The following SMG6 variants were observed in gnomAD, a reference collection of about 807,000 sequenced individuals.
The protein encoded by SMG6 is SMG6 nonsense mediated mRNA decay factor, also known as telomerase-binding protein EST1A.
SMG6 carries 66 observed loss-of-function variants against 142.2 expected under a neutral mutation model. The ratio of observed to expected loss-of-function variants is 0.46; its 90% confidence interval spans 0.38 to 0.57. The LOEUF (loss-of-function observed/expected upper bound fraction) is 0.57, where lower values mean the gene tolerates loss of function less well. Among genes scored for constraint, SMG6 ranks in the 20% least tolerant of loss-of-function variants. SMG6 has a pLI of 0.00. For synonymous variants in SMG6, 779 were observed against 702.4 expected, an observed-to-expected ratio of 1.11 and a Z score of -1.72; for missense variants, 1,793 against 1,832.0, an observed-to-expected ratio of 0.98 and a Z score of 0.39.
chr17:2,230,305 C>CAAAAAA (rs869124628), intron 10 of SMG6, among the ~76,000 whole-genome samples: 1 of 16,252 alleles, frequency 6.2e-5, no homozygotes, highest in Non-Finnish European at 1.0e-4. Context: ...CATGTCGGGG[C>CAAAAAA]AAAAAAAAAA....
intron 13 of SMG6, among the ~76,000 whole-genome samples, chr17:2,139,603 TAG>T (rs2070411498): frequency 6.6e-6 from 1 of 151,472 alleles, no homozygotes; most frequent in Non-Finnish European, 1.5e-5. Flanking sequence ...GTATTTTTAG[TAG>T]AGACGGGGTT....
At chr17:2,134,419 C>CAAAA (rs58429166) in intron 13 of SMG6, among the ~76,000 whole-genome samples, 321 of 28,722 alleles carry the variant, frequency 0.011, 86 homozygotes, top group African/African-American at 0.039. Context: ...GACTCCATCT[C>CAAAA]AAAAAAAAAA....
intron 15 of SMG6, among the ~76,000 whole-genome samples, chr17:2,076,427 C>T (rs913312666): frequency 2.0e-5 from 3 of 152,186 alleles, no homozygotes; most frequent in South Asian, 2.1e-4. Flanking sequence ...CTTGGATTTT[C>T]CCCCCTTAAA....
At chr17:2,196,582 G>T (rs1396635497) in intron 10 of SMG6, among the ~76,000 whole-genome samples, 1 of 152,182 alleles carries the variant, frequency 6.6e-6, no homozygotes, top group Non-Finnish European at 1.5e-5. Flanking sequence ...AGATCTATAG[G>T]TTTAACGCAA....
chr17:2,065,321 T>A (rs1454438637), intron 17 of SMG6, 147 bp downstream of exon 17: 13 of 953,376 alleles, frequency 1.4e-5, no homozygotes, highest in Non-Finnish European at 2.1e-5. Flanking sequence ...ACGAGTGACT[T>A]AGGGGAGAAG....
intron 10 of SMG6, among the ~76,000 whole-genome samples, chr17:2,229,077 G>A (rs1377083423): frequency 6.6e-6 from 1 of 151,928 alleles, no homozygotes; most frequent in Non-Finnish European, 1.5e-5. Flanking sequence ...AAAAAAATCC[G>A]CCCACCCCCT....
intron 9 of SMG6, 107 bp from the exon 10 acceptor site, chr17:2,236,744 CACACACA>C: frequency 1.0e-6 from 1 of 998,454 alleles, no homozygotes; most frequent in Non-Finnish European, 1.4e-6. Flanking sequence ...CACACACACA[CACACACA>C]CCAGACAACT....
At chr17:2,192,394 G>C (rs985979187) in intron 10 of SMG6, among the ~76,000 whole-genome samples, 3 of 152,208 alleles carry the variant, frequency 2.0e-5, no homozygotes, top group Non-Finnish European at 2.9e-5. Flanking sequence ...GAGTAATGAA[G>C]AGAAGACACA....
chr17:2,238,348 A>G (rs1183703688), intron 9 of SMG6, among the ~76,000 whole-genome samples: 1 of 152,134 alleles, frequency 6.6e-6, no homozygotes, highest in Non-Finnish European at 1.5e-5. Context: ...CTCCAAAACA[A>G]AACAAAACTC....
At chr17:2,092,819 C>T (rs1470969982) in intron 13 of SMG6, among the ~76,000 whole-genome samples, 4 of 152,272 alleles carry the variant, frequency 2.6e-5, no homozygotes, top group African/African-American at 2.4e-5. Context: ...CAAGTACTAA[C>T]TGCCACTTCC....
chr17:2,244,095 ACACTAC>A, intron 9 of SMG6, among the ~76,000 whole-genome samples: 1 of 152,212 alleles, frequency 6.6e-6, no homozygotes, highest in South Asian at 2.1e-4. Context: ...AGTTTTGCAC[ACACTAC>A]CTTCCCTGAG....
intron 13 of SMG6, among the ~76,000 whole-genome samples, chr17:2,141,489 T>C (rs1018612358): frequency 3.3e-5 from 5 of 152,234 alleles, no homozygotes; most frequent in African/African-American, 1.2e-4. Context: ...TCACCCAGGC[T>C]GGAGTGCAGT....
chr17:2,081,834 C>T lies in SMG6; in HGVS notation c.3657G>A (p.Gln1219=), dbSNP rs768254657. The change falls in exon 15 of 19, where the codon CAG becomes CAA. Residue 1219 remains glutamine, a synonymous_variant. Transcript: ENST00000263073. ...KLALARKIAE[Q]QRRQEKIQAV... is the part of the protein sequence containing the mutation. ...CCTGGATCTTTTCCTGGCGACGCTG[C>T]TGCTCAGCTATCTTCCTGGCCAGAG... 6.2e-7 allele frequency: 1 copy of T among 1,613,856 alleles called. No homozygotes were observed. The highest frequency in any genetic ancestry group is 8.5e-7 in the Non-Finnish European group (1 of 1,180,038).
At chr17:2,167,111 G>A (rs146630421) in intron 13 of SMG6, among the ~76,000 whole-genome samples, 1,916 of 106,964 alleles carry the variant, frequency 0.018, 31 homozygotes, top group Middle Eastern at 0.027. Context: ...CAGCCTGGGC[G>A]ACAGAGTAGG....
At chr17:2,076,623 C>A (rs537541708) in intron 15 of SMG6, among the ~76,000 whole-genome samples, 3 of 152,064 alleles carry the variant, frequency 2.0e-5, no homozygotes, top group Non-Finnish European at 2.9e-5. Flanking sequence ...TATGGCCAGA[C>A]AGATGTGTCT....
chr17:2,140,845 G>A (rs1346506508), intron 13 of SMG6, among the ~76,000 whole-genome samples: 2 of 152,076 alleles, frequency 1.3e-5, no homozygotes, highest in East Asian at 1.9e-4. Context: ...CAGAAGCCTT[G>A]ACAAACTGGA....
intron 8 of SMG6, among the ~76,000 whole-genome samples, chr17:2,256,916 C>G (rs1325977623): frequency 2.0e-5 from 3 of 149,648 alleles, no homozygotes; most frequent in Non-Finnish European, 4.5e-5. Context: ...AAATCCACTT[C>G]TTTTTGGAGA....
chr17:2,219,816 AAAAAAGAAAAG>A (rs2073123591), intron 10 of SMG6, among the ~76,000 whole-genome samples: 1 of 151,778 alleles, frequency 6.6e-6, no homozygotes, highest in Non-Finnish European at 1.5e-5. Context: ...AAAAAAAAAA[AAAAAAGAAAAG>A]AAAAAGAAAA....
At chr17:2,131,523 C>A (rs2070120511) in intron 13 of SMG6, among the ~76,000 whole-genome samples, 1 of 152,100 alleles carries the variant, frequency 6.6e-6, no homozygotes, top group South Asian at 2.1e-4. Flanking sequence ...TGGTCTTGAA[C>A]TCCTAACCTT....
Sources: allele counts gnomAD v4.1 joint callset (sites outside exome capture counted in the v4.1 genomes callset), GRCh38; gene constraint gnomAD v4.1.1; transcripts MANE v1.5; gene names NCBI Gene and HGNC (gene_info 2026-07-23, HGNC 2026-07-21).